ROBO2: variants seen among roughly 807,000 people sequenced by gnomAD.
ROBO2 encodes roundabout homolog 2.
A neutral mutation model predicts 160.8 loss-of-function variants in ROBO2; 53 were observed. The ratio of observed to expected loss-of-function variants is 0.33; its 90% CI spans 0.26 to 0.41. The LOEUF (loss-of-function observed/expected upper bound fraction) is 0.41, where lower values mean the gene tolerates loss of function less well. Among genes scored for constraint, ROBO2 ranks in the 10% least tolerant of loss-of-function variants. The pLI, the probability that ROBO2 is intolerant of heterozygous loss-of-function variation, is 1.00. For missense variants in ROBO2, 1,577 were observed against 1,722.4 expected, an observed-to-expected ratio of 0.92 and a Z score of 1.49; for synonymous variants, 664 against 611.7, an observed-to-expected ratio of 1.09 and a Z score of -1.26.
intron 2 of ROBO2, among the ~76,000 whole-genome samples, chr3:77,409,693 A>G (rs2076545040): frequency 6.6e-6 from 1 of 152,180 alleles, no homozygotes; most frequent in Non-Finnish European, 1.5e-5. Flanking sequence ...ACCGTGGGTA[A>G]GCAAATGACT....
At chr3:77,337,713 T>G (rs1202110773) in intron 2 of ROBO2, among the ~76,000 whole-genome samples, 1 of 152,146 alleles carries the variant, frequency 6.6e-6, no homozygotes, top group Admixed American at 6.6e-5. Context: ...AACTAACTGA[T>G]TCTGGGATTA....
intron 2 of ROBO2, among the ~76,000 whole-genome samples, chr3:77,193,567 T>G (rs983551978): frequency 6.6e-6 from 1 of 152,142 alleles, no homozygotes; most frequent in Non-Finnish European, 1.5e-5. Context: ...CTTTGTAATC[T>G]TCTATGTACT....
chr3:77,115,394 T>C (rs982139870), intron 2 of ROBO2, among the ~76,000 whole-genome samples: 4 of 152,156 alleles, frequency 2.6e-5, no homozygotes, highest in African/African-American at 9.7e-5. Flanking sequence ...ATATGAGCGC[T>C]ATGTCATCTT....
chr3:77,475,425 T>TA (rs927496528), intron 2 of ROBO2, among the ~76,000 whole-genome samples: 12 of 151,600 alleles, frequency 7.9e-5, no homozygotes, highest in South Asian at 6.3e-4. Context: ...AAAGGACCTT[T>TA]AAAAAAAAAT....
chr3:77,073,548 C>G (rs1055016373), intron 1 of ROBO2, among the ~76,000 whole-genome samples: 1 of 152,128 alleles, frequency 6.6e-6, no homozygotes, highest in African/African-American at 2.4e-5. Context: ...TCATTTTTCA[C>G]CCAGTGCCAA....
At chr3:76,132,115 A>G (rs1362033580) in intron 2 of ROBO2, among the ~76,000 whole-genome samples, 1 of 152,148 alleles carries the variant, frequency 6.6e-6, no homozygotes, top group Non-Finnish European at 1.5e-5. Context: ...CTCGTGGCTA[A>G]GATTTATTGC....
intron 2 of ROBO2, among the ~76,000 whole-genome samples, chr3:77,022,349 G>A (rs940217514): frequency 6.6e-6 from 1 of 152,198 alleles, no homozygotes; most frequent in African/African-American, 2.4e-5. Context: ...CAGCCTGGGT[G>A]ACAGAGTGAG....
At chr3:76,009,499 A>G (rs929567563) in intron 2 of ROBO2, among the ~76,000 whole-genome samples, 11 of 152,190 alleles carry the variant, frequency 7.2e-5, no homozygotes, top group African/African-American at 2.4e-4. Flanking sequence ...CCAAGGTGCC[A>G]TATTCTGGGG....
At chr3:76,560,267 G>A (rs978637314) in intron 2 of ROBO2, among the ~76,000 whole-genome samples, 30 of 151,972 alleles carry the variant, frequency 2.0e-4, no homozygotes, top group African/African-American at 2.2e-4. Flanking sequence ...TAAAGTAGCC[G>A]TCATAAGAAT....
chr3:76,979,536 A>G (rs1034852660), intron 2 of ROBO2, among the ~76,000 whole-genome samples: 1 of 151,954 alleles, frequency 6.6e-6, no homozygotes, highest in Non-Finnish European at 1.5e-5. Context: ...TTGCTTCAAA[A>G]GACATGATTT....
At chr3:76,384,236 A>G (rs1232018477) in intron 2 of ROBO2, among the ~76,000 whole-genome samples, 1 of 152,314 alleles carries the variant, frequency 6.6e-6, no homozygotes, top group East Asian at 1.9e-4. Context: ...ATAATACAAG[A>G]GAAATGTTAA....
At chr3:76,646,997 A>G (rs1217700646) in intron 2 of ROBO2, among the ~76,000 whole-genome samples, 1 of 152,166 alleles carries the variant, frequency 6.6e-6, no homozygotes, top group Non-Finnish European at 1.5e-5. Context: ...TGGAAATGTT[A>G]GAACTCAGAC....
intron 2 of ROBO2, among the ~76,000 whole-genome samples, chr3:76,602,638 C>A (rs1375146852): frequency 6.6e-6 from 1 of 152,180 alleles, no homozygotes; most frequent in Non-Finnish European, 1.5e-5. Context: ...AGACCCGTCC[C>A]CATAGTTCAG....
At chr3:76,952,336 G>C (rs554227571) in intron 2 of ROBO2, among the ~76,000 whole-genome samples, 1 of 152,088 alleles carries the variant, frequency 6.6e-6, no homozygotes, top group Non-Finnish European at 1.5e-5. Flanking sequence ...AGGCTGGAGT[G>C]CAATGGCACG....
At chr3:77,179,313 CA>C (rs200508305) in intron 2 of ROBO2, among the ~76,000 whole-genome samples, 146 of 134,094 alleles carry the variant, frequency 1.1e-3, no homozygotes, top group East Asian at 1.1e-3. Flanking sequence ...AATAAGCCTG[CA>C]AAAAAAAAAA....
intron 2 of ROBO2, among the ~76,000 whole-genome samples, chr3:77,367,283 G>C (rs2071041484): frequency 6.6e-6 from 1 of 152,108 alleles, no homozygotes; most frequent in African/African-American, 2.4e-5. Flanking sequence ...AAAGTGAAAA[G>C]GTGATAGTCC....
chr3:76,386,937 G>T (rs1200024655), intron 2 of ROBO2, among the ~76,000 whole-genome samples: 2 of 152,134 alleles, frequency 1.3e-5, no homozygotes, highest in African/African-American at 4.8e-5. Context: ...ACCTTAAAAA[G>T]CAGGTGGGAG....
intron 2 of ROBO2, among the ~76,000 whole-genome samples, chr3:76,634,831 G>A (rs1397566585): frequency 6.6e-6 from 1 of 152,206 alleles, no homozygotes; most frequent in Non-Finnish European, 1.5e-5. Flanking sequence ...TGAGCAGCAG[G>A]AGGTGCGCAG....
intron 19 of ROBO2, among the ~76,000 whole-genome samples, chr3:77,601,861 C>T (rs984858219): frequency 1.5e-4 from 23 of 152,192 alleles, no homozygotes; most frequent in African/African-American, 4.6e-4. Flanking sequence ...GATTCAGTAT[C>T]ATTGCAACTG....
Sources: allele counts gnomAD v4.1 joint callset (sites outside exome capture counted in the v4.1 genomes callset), GRCh38; gene constraint gnomAD v4.1.1; transcripts MANE v1.5; gene names NCBI Gene and HGNC (gene_info 2026-07-23, HGNC 2026-07-21).